HIBADH: variants seen among roughly 807,000 people sequenced by gnomAD.
HIBADH encodes 3-hydroxyisobutyrate dehydrogenase, also known as 3-hydroxyisobutyrate dehydrogenase, mitochondrial.
In HIBADH, 25 loss-of-function variants were observed where a neutral mutation model predicts 36.1. The ratio of observed to expected loss-of-function variants is 0.69; its 90% CI spans 0.50 to 0.97. The LOEUF is 0.97. Among genes scored for constraint, HIBADH ranks in the 50% least tolerant of loss-of-function variants. HIBADH has a pLI of 0.00. For synonymous variants in HIBADH, 160 were observed against 149.5 expected, an observed-to-expected ratio of 1.07 and a Z score of -0.51; for missense variants, 421 against 418.0, an observed-to-expected ratio of 1.01 and a Z score of -0.06.
chr7:27,531,880 C>T (rs762121635), intron 6 of HIBADH, among the ~76,000 whole-genome samples: 54 of 148,476 alleles, frequency 3.6e-4, no homozygotes, highest in Non-Finnish European at 4.3e-4. Flanking sequence ...GAGCTGTAAA[C>T]GAGCTTAAGA....
At chr7:27,575,688 T>G (rs1784699135) in intron 4 of HIBADH, among the ~76,000 whole-genome samples, 1 of 152,178 alleles carries the variant, frequency 6.6e-6, no homozygotes, top group African/African-American at 2.4e-5. Context: ...TAAGAAATAA[T>G]GCACAGGGCT....
chr7:27,613,939 C>T lies in HIBADH; in HGVS notation c.484+15432G>A, dbSNP rs140493894. ...CCTCCCAAAGTGCTGGGATTACAGGCGTAAGTCACTGCTCCCGGCCTAAAT... is the reference window on the plus strand; with the variant it reads ...CCTCCCAAAGTGCTGGGATTACAGGTGTAAGTCACTGCTCCCGGCCTAAAT... On this transcript the variant is annotated intron_variant, in intron 4 of 7. Transcript: ENST00000265395. Among the ~76,000 whole-genome samples the T allele has an allele frequency of 7.2e-3, 1,096 of 152,152 alleles. 13 individuals carry two copies. The highest frequency in any genetic ancestry group is 0.024 in the African/African-American group (1,011 of 41,510).
chr7:27,567,109 A>G (rs191399892), intron 4 of HIBADH, among the ~76,000 whole-genome samples: 320 of 152,234 alleles, frequency 2.1e-3, no homozygotes, highest in African/African-American at 7.5e-3. Context: ...TGTCATATCC[A>G]TTACTGAGAG....
chr7:27,625,685 A>G (rs76822614), intron 4 of HIBADH, among the ~76,000 whole-genome samples: 5,104 of 152,232 alleles, frequency 0.034, 265 homozygotes, highest in African/African-American at 0.12. Flanking sequence ...TGTTGCACAT[A>G]TATTCAATAT....
rs751432338 is a variant in HIBADH at position 27,626,771 on chromosome 7, A to C, written c.484+2600T>G. On this transcript the variant is annotated intron_variant, in intron 4 of 7. Transcript: ENST00000265395. ...GTATGTTCCCATTTACACTTTTAGAATACTACTCTATTTGTACGTACCTAT... is the reference window on the plus strand; with the variant it reads ...GTATGTTCCCATTTACACTTTTAGACTACTACTCTATTTGTACGTACCTAT... Among the ~76,000 whole-genome samples, 108 of 152,196 alleles carry C rather than the reference A, an allele frequency of 7.1e-4. 2 individuals are homozygous for C. The highest frequency in any genetic ancestry group is 9.2e-4 in the Admixed American group (14 of 15,280).
At chr7:27,619,504 T>C (rs1305423032) in intron 4 of HIBADH, among the ~76,000 whole-genome samples, 4 of 152,186 alleles carry the variant, frequency 2.6e-5, no homozygotes, top group Non-Finnish European at 1.5e-5. Flanking sequence ...ACATTTAAAA[T>C]ATTGATTTTA....
Position 27,527,917 on chromosome 7 carries a change from CGT to C in HIBADH, c.853-1547_853-1546del, listed in dbSNP as rs1491122564. On this transcript the variant is annotated intron_variant, in intron 7 of 7. Coordinates refer to ENST00000265395, the MANE Select transcript of HIBADH (RefSeq NM_152740.4). Reference sequence around the variant, plus strand: ...AGGCATTTGCCACCACCACACCCAGCGTTTTTTTTTTTTTTTTTTTTTTTTAG... The same window carrying C: ...AGGCATTTGCCACCACCACACCCAGCTTTTTTTTTTTTTTTTTTTTTTTAG... Among the ~76,000 whole-genome samples the C allele has an allele frequency of 1.5e-3, 115 of 77,032 alleles. 25 individuals carry two copies. The highest frequency in any genetic ancestry group is 3.0e-3 in the East Asian group (9 of 3,018). The allele number at this position is 77,032 out of a possible 152,430, so 50.5% of individuals were successfully genotyped here.
At chr7:27,626,223 C>T (rs1235421650) in intron 4 of HIBADH, among the ~76,000 whole-genome samples, 1 of 150,832 alleles carries the variant, frequency 6.6e-6, no homozygotes, top group Non-Finnish European at 1.5e-5. Flanking sequence ...ATTTCATCTA[C>T]CCTTTAAGTA....
intron 4 of HIBADH, among the ~76,000 whole-genome samples, chr7:27,572,547 A>G (rs1038667864): frequency 1.3e-5 from 2 of 152,166 alleles, no homozygotes; most frequent in African/African-American, 4.8e-5. Context: ...TATGACATCT[A>G]TTTTTACAAA....
At chr7:27,565,865 A>AT (rs1784540448) in intron 4 of HIBADH, among the ~76,000 whole-genome samples, 1 of 152,098 alleles carries the variant, frequency 6.6e-6, no homozygotes, top group Non-Finnish European at 1.5e-5. Context: ...TGGATGTTGA[A>AT]TTCTGACATA....
At chr7:27,586,697 C>T (rs534618930) in intron 4 of HIBADH, among the ~76,000 whole-genome samples, 1 of 134,994 alleles carries the variant, frequency 7.4e-6, no homozygotes, top group East Asian at 2.3e-4. Context: ...GAGGACAGCA[C>T]TCTTAGAAAA....
chr7:27,657,100 G>A (rs926345148), intron 1 of HIBADH, among the ~76,000 whole-genome samples: 6 of 151,806 alleles, frequency 4.0e-5, no homozygotes, highest in African/African-American at 1.5e-4. Flanking sequence ...AAAATGTAAT[G>A]GGGAATAAAC....
At chr7:27,549,570 T>A (rs561515490) in intron 4 of HIBADH, among the ~76,000 whole-genome samples, 90 of 152,298 alleles carry the variant, frequency 5.9e-4, no homozygotes, top group Admixed American at 5.9e-4. Context: ...ACATATTTTT[T>A]AAAAATTCTC....
chr7:27,661,294 G>T (rs184742196), intron 1 of HIBADH, among the ~76,000 whole-genome samples: 3 of 152,114 alleles, frequency 2.0e-5, no homozygotes, highest in South Asian at 2.1e-4. Flanking sequence ...GTTAAGAATT[G>T]TAAGAGAAAG....
intron 2 of HIBADH, among the ~76,000 whole-genome samples, chr7:27,640,762 C>A (rs560292727): frequency 6.6e-6 from 1 of 152,256 alleles, no homozygotes; most frequent in Non-Finnish European, 1.5e-5. Flanking sequence ...TAGTGTATTT[C>A]TTCTAGGCTA....
chr7:27,581,261 T>C (rs1011198119), intron 4 of HIBADH, among the ~76,000 whole-genome samples: 1 of 152,002 alleles, frequency 6.6e-6, no homozygotes, highest in Non-Finnish European at 1.5e-5. Flanking sequence ...GCAGAGCAAA[T>C]GAACAGTTGG....
chr7:27,569,313 T>G (rs772785873), intron 4 of HIBADH, among the ~76,000 whole-genome samples: 8 of 152,216 alleles, frequency 5.3e-5, no homozygotes, highest in Middle Eastern at 3.2e-3. Flanking sequence ...AGGGTTGGTA[T>G]CTTGTCTCTT....
chr7:27,539,680 TA>T (rs369070578), intron 5 of HIBADH, among the ~76,000 whole-genome samples: 8 of 152,234 alleles, frequency 5.3e-5, no homozygotes, highest in African/African-American at 1.4e-4. Context: ...ATGAGGGGGT[TA>T]GGGGTGCCAA....
chr7:27,642,116 T>C (rs1785971507), intron 2 of HIBADH, among the ~76,000 whole-genome samples: 2 of 152,154 alleles, frequency 1.3e-5, no homozygotes, highest in South Asian at 4.1e-4. Flanking sequence ...TCTTTCCTTC[T>C]TCACACCCAG....
Sources: gnomAD v4.1 joint callset for allele counts (sites outside exome capture counted in the v4.1 genomes callset) on GRCh38, gnomAD v4.1.1 for gene constraint, MANE v1.5 for transcripts, NCBI Gene and HGNC (gene_info 2026-07-23, HGNC 2026-07-21) for gene names.